ADAM32: variants seen among roughly 807,000 people sequenced by gnomAD.
ADAM32 encodes disintegrin and metalloproteinase domain-containing protein 32.
A neutral mutation model predicts 114.9 loss-of-function variants in ADAM32; 89 were observed. The observed-to-expected ratio is 0.77, with a 90% CI of 0.65 to 0.92. The LOEUF (loss-of-function observed/expected upper bound fraction) is 0.92, where lower values mean the gene tolerates loss of function less well. ADAM32 is among the 40% of genes least tolerant of loss of function. The pLI, the probability that ADAM32 is intolerant of heterozygous loss-of-function variation, is 0.00. For missense variants in ADAM32, 870 were observed against 932.8 expected (o/e 0.93, Z 0.88); for synonymous variants, 285 against 307.5 (o/e 0.93, Z 0.77).
At chr8:39,154,654 C>T (rs12543265) in intron 6 of ADAM32, among the ~76,000 whole-genome samples, 94,927 of 152,000 alleles carry the variant, frequency 0.62, 31,255 homozygotes, top group East Asian at 0.79. Context: ...ACACTCCCAC[C>T]AACAGTGTAA....
intron 11 of ADAM32, among the ~76,000 whole-genome samples, chr8:39,202,157 G>A (rs771155318): frequency 3.3e-5 from 5 of 152,208 alleles, no homozygotes; most frequent in Non-Finnish European, 5.9e-5. Context: ...GAGTTAGGGA[G>A]GATACCCTCT....
In ADAM32 at chr8:39,262,801, G is replaced by A. The variant is rs145622492; in HGVS notation, c.2162+5458G>A. Among the ~76,000 whole-genome samples, 53 of 152,108 alleles carry A rather than the reference G, an allele frequency of 3.5e-4. No individual in the cohort carries two copies. The East Asian group carries it at 9.6e-3, about 28-fold the overall frequency. On this transcript the variant is annotated intron_variant, in intron 19 of 24. Transcript: ENST00000379907. ...GCTCACTGCAATTTCCCCCTCCCAT[G>A]TTCAAGTGATTCTTGGGCCTCAGCC...
intron 11 of ADAM32, among the ~76,000 whole-genome samples, chr8:39,188,296 C>G (rs1377036366): frequency 1.3e-5 from 2 of 152,026 alleles, no homozygotes; most frequent in African/African-American, 4.8e-5. Context: ...CACATAATCA[C>G]ACATATCCAT....
chr8:39,255,485 T>C (rs950864292), intron 18 of ADAM32, among the ~76,000 whole-genome samples: 16 of 152,064 alleles, frequency 1.1e-4, no homozygotes, highest in Non-Finnish European at 1.5e-5. Context: ...ATTAGTGATG[T>C]TGAGCATTTT....
intron 14 of ADAM32, among the ~76,000 whole-genome samples, chr8:39,226,754 T>C (rs1288208020): frequency 6.6e-6 from 1 of 152,158 alleles, no homozygotes; most frequent in African/African-American, 2.4e-5. Flanking sequence ...CAATCTATCT[T>C]ACAACAAATG....
At chr8:39,221,329 G>T in intron 12 of ADAM32, 1 of 287,504 alleles carries the variant, frequency 3.5e-6, no homozygotes, top group South Asian at 7.0e-5. Context: ...GTAGCATATA[G>T]TGAGGTCTCG....
intron 20 of ADAM32, 105 bp from the exon 21 acceptor site, chr8:39,274,207 C>A (rs951221840): frequency 9.3e-7 from 1 of 1,070,824 alleles, no homozygotes; most frequent in Non-Finnish European, 1.4e-6. Context: ...AGTAATTAGT[C>A]TTTTAAAGAG....
chr8:39,186,079 C>A (rs573615736), intron 10 of ADAM32, among the ~76,000 whole-genome samples: 4 of 152,286 alleles, frequency 2.6e-5, no homozygotes, highest in African/African-American at 9.6e-5. Flanking sequence ...TACTTCATTG[C>A]TGCTGCAGAG....
chr8:39,221,477 A>G (rs543785703), intron 12 of ADAM32, 133 bp from the exon 13 acceptor site: 1 of 671,314 alleles, frequency 1.5e-6, no homozygotes, highest in Non-Finnish European at 2.5e-6. Context: ...TAAAGATGTT[A>G]AAACCTGTAA....
intron 21 of ADAM32, among the ~76,000 whole-genome samples, chr8:39,275,099 T>C (rs1251016341): frequency 6.6e-6 from 1 of 152,220 alleles, no homozygotes; most frequent in Non-Finnish European, 1.5e-5. Context: ...ATTTCCCTGA[T>C]GCATCTCTGT....
intron 22 of ADAM32, 127 bp downstream of exon 22, chr8:39,275,993 C>T: frequency 1.3e-6 from 1 of 781,172 alleles, no homozygotes; most frequent in Non-Finnish European, 1.9e-6. Flanking sequence ...AAGTACTGTA[C>T]CTTAAAACAA....
intron 10 of ADAM32, among the ~76,000 whole-genome samples, chr8:39,183,843 A>G (rs1806061195): frequency 6.6e-6 from 1 of 152,240 alleles, no homozygotes; most frequent in Admixed American, 6.5e-5. Context: ...CTGGTCAGAA[A>G]CAATAGTGTG....
intron 11 of ADAM32, among the ~76,000 whole-genome samples, chr8:39,187,673 C>A (rs369678844): frequency 3.4e-5 from 5 of 147,144 alleles, no homozygotes; most frequent in African/African-American, 4.9e-5. Context: ...ATGAAAAAAA[C>A]CCCTAACATC....
chr8:39,155,044 G>A (rs7821369), intron 6 of ADAM32, among the ~76,000 whole-genome samples: 4,203 of 152,138 alleles, frequency 0.028, 213 homozygotes, highest in African/African-American at 0.095. Context: ...TGCTAAAAGC[G>A]CTCAATAAAC....
rs545830933 is a variant in ADAM32 at position 39,207,864 on chromosome 8, G to A, written c.1053-3280G>A. On this transcript the variant is annotated intron_variant, in intron 11 of 24. Coordinates refer to ENST00000379907, the MANE Select transcript of ADAM32 (RefSeq NM_145004.7). ...TCTGGCTTATTTCACTTAACATAAT[G>A]TCCTCCTGCTCCATTTATATTGTCA... Among the ~76,000 whole-genome samples, 63 of 152,194 alleles carry A rather than the reference G, an allele frequency of 4.1e-4. No homozygotes were observed. The South Asian group carries it at 8.1e-3, about 20-fold the overall frequency.
chr8:39,225,157 C>T (rs576834993), intron 14 of ADAM32, among the ~76,000 whole-genome samples: 4 of 152,328 alleles, frequency 2.6e-5, no homozygotes, highest in African/African-American at 4.8e-5. Context: ...CCCCTCCCAA[C>T]CCTGTGCACA....
At chr8:39,149,047 A>C (rs1803669779) in intron 4 of ADAM32, among the ~76,000 whole-genome samples, 1 of 152,174 alleles carries the variant, frequency 6.6e-6, no homozygotes, top group Non-Finnish European at 1.5e-5. Flanking sequence ...TTTTAGGTAT[A>C]GTATTTTGCA....
chr8:39,161,998 TTTTATA>T (rs1246081408), intron 7 of ADAM32, among the ~76,000 whole-genome samples: 1 of 21,658 alleles, frequency 4.6e-5, no homozygotes, highest in African/African-American at 8.7e-5. Context: ...TTTTATTTTA[TTTTATA>T]TATATATATA....
intron 4 of ADAM32, 59 bp from the exon 5 acceptor site, chr8:39,149,732 A>G: frequency 8.3e-7 from 1 of 1,211,848 alleles, no homozygotes; most frequent in Non-Finnish European, 1.2e-6. Context: ...TAGAAGTAGG[A>G]AATCACTAGA....
Sources: allele counts gnomAD v4.1 joint callset (sites outside exome capture counted in the v4.1 genomes callset), GRCh38; gene constraint gnomAD v4.1.1; transcripts MANE v1.5; gene names NCBI Gene and HGNC (gene_info 2026-07-23, HGNC 2026-07-21).